FAM227B: variants seen among roughly 807,000 people sequenced by gnomAD.
FAM227B encodes the protein protein FAM227B.
Under a neutral mutation model 73.8 loss-of-function variants are expected in FAM227B, and 88 were observed. The observed-to-expected ratio is 1.19, with a 90% CI of 1.00 to 1.42. FAM227B has a LOEUF of 1.42. Among genes scored for constraint, FAM227B ranks in the 40% most tolerant of loss-of-function variants. The probability of loss-of-function intolerance (pLI) is 0.00; values close to 1 mark genes in which losing one functional copy is unlikely to be tolerated. For synonymous variants in FAM227B, 210 were observed against 190.5 expected (o/e 1.10, Z -0.84); for missense variants, 632 against 590.9 (o/e 1.07, Z -0.72).
At chr15:49,553,496 T>G (rs920746488) in intron 9 of FAM227B, among the ~76,000 whole-genome samples, 3 of 152,188 alleles carry the variant, frequency 2.0e-5, no homozygotes, top group African/African-American at 4.8e-5. Context: ...CAGCCAGGCC[T>G]GTGTCCTTCC....
intron 10 of FAM227B, among the ~76,000 whole-genome samples, chr15:49,510,394 T>A (rs144305345): frequency 6.6e-6 from 1 of 152,138 alleles, no homozygotes; most frequent in Non-Finnish European, 1.5e-5. Context: ...AATTTTTTTA[T>A]CTGAAGTTAA....
chr15:49,376,739 A>C lies in FAM227B; in HGVS notation c.1013-5340T>G, dbSNP rs564272396. Among the ~76,000 whole-genome samples the C allele has an allele frequency of 9.2e-5, 14 of 152,132 alleles. No individual in the cohort carries two copies. The East Asian group carries it at 2.7e-3, about 29-fold the overall frequency. On this transcript the variant is annotated intron_variant, in intron 11 of 15. Transcript: ENST00000299338. ...ATATTAAATATTCCAATACATTAGC[A>C]TGGGAGGTTTTTTCATTCATTTAGG...
At chr15:49,579,447 G>C (rs965717396) in intron 5 of FAM227B, among the ~76,000 whole-genome samples, 2 of 152,126 alleles carry the variant, frequency 1.3e-5, no homozygotes, top group South Asian at 4.1e-4. Flanking sequence ...ATACACAATG[G>C]AATACTATTT....
intron 3 of FAM227B, 125 bp from the exon 4 acceptor site, chr15:49,590,132 A>G (rs1567653073): frequency 1.7e-6 from 1 of 598,136 alleles, no homozygotes; most frequent in Non-Finnish European, 2.9e-6. Context: ...ATCACTTTTT[A>G]AAAATTTGAA....
chr15:49,415,716 T>C (rs1022871465), intron 11 of FAM227B, among the ~76,000 whole-genome samples: 1 of 152,220 alleles, frequency 6.6e-6, no homozygotes. Context: ...GTAACTTTTG[T>C]AAACTGAGAT....
intron 11 of FAM227B, among the ~76,000 whole-genome samples, chr15:49,458,776 A>T (rs2053540973): frequency 1.3e-5 from 2 of 152,140 alleles, no homozygotes; most frequent in Non-Finnish European, 2.9e-5. Flanking sequence ...GTCTTTTAGA[A>T]ATTTATTCTA....
chr15:49,490,298 C>A (rs962270460), intron 11 of FAM227B, among the ~76,000 whole-genome samples: 2 of 151,784 alleles, frequency 1.3e-5, no homozygotes, highest in Non-Finnish European at 2.9e-5. Flanking sequence ...TTATGGAATA[C>A]AAAGTGCACA....
At chr15:49,354,569 T>C (rs1237020029) in intron 13 of FAM227B, among the ~76,000 whole-genome samples, 1 of 152,208 alleles carries the variant, frequency 6.6e-6, no homozygotes, top group Non-Finnish European at 1.5e-5. Context: ...CACGAGATTA[T>C]ATCCCGCACC....
chr15:49,521,859 C>T (rs2152173909), intron 10 of FAM227B, among the ~76,000 whole-genome samples: 1 of 152,272 alleles, frequency 6.6e-6, no homozygotes, highest in South Asian at 2.1e-4. Context: ...GTGCAGCCCC[C>T]ACGCCATTTC....
At position 49,489,883 on chromosome 15, in the gene FAM227B, T is replaced by TATAG. The variant is rs1555505060; in HGVS notation, c.1012+18327_1012+18328insCTAT. ...TTTTATATATATATATATATATATA[T>TATAG]AGAGAGAGAGAGAGAGAGAGAGAGA... is the stretch of plus-strand genomic sequence containing the variant. On this transcript the variant is annotated intron_variant, in intron 11 of 15. Transcript: ENST00000299338. Among the ~76,000 whole-genome samples the TATAG allele has an allele frequency of 4.1e-3, 93 of 22,946 alleles. 13 individuals are homozygous for TATAG. The highest frequency in any genetic ancestry group is 0.026 in the South Asian group (14 of 544). The allele number at this position is 22,946 out of a possible 152,430, so 15.1% of individuals were successfully genotyped here.
intron 11 of FAM227B, among the ~76,000 whole-genome samples, chr15:49,383,898 T>C (rs2046704755): frequency 6.6e-6 from 1 of 152,030 alleles, no homozygotes; most frequent in African/African-American, 2.4e-5. Flanking sequence ...TCTCTACCAT[T>C]TGTCATTCTC....
intron 11 of FAM227B, among the ~76,000 whole-genome samples, chr15:49,473,170 T>C (rs1357955656): frequency 3.9e-5 from 6 of 152,172 alleles, no homozygotes; most frequent in African/African-American, 1.4e-4. Flanking sequence ...CACAAACATA[T>C]CAAATATGAA....
intron 9 of FAM227B, among the ~76,000 whole-genome samples, chr15:49,546,335 C>T (rs958699448): frequency 1.3e-5 from 2 of 152,190 alleles, no homozygotes; most frequent in Non-Finnish European, 2.9e-5. Context: ...ATATGTGCCA[C>T]ATTTTCTTAA....
At chr15:49,447,135 A>G (rs1264596150) in intron 11 of FAM227B, among the ~76,000 whole-genome samples, 2 of 151,654 alleles carry the variant, frequency 1.3e-5, no homozygotes, top group Admixed American at 6.6e-5. Flanking sequence ...CACTGATATA[A>G]GGCTTTCAAA....
Position 49,611,276 on chromosome 15 carries a change from A to G in FAM227B, c.52-8T>C. On this transcript the variant is annotated splice_region_variant and splice_polypyrimidine_tract_variant and intron_variant, in intron 2 of 15. Coordinates refer to ENST00000299338, the MANE Select transcript of FAM227B (RefSeq NM_152647.3). ...TGGAGGTTCTTGCATTTTCTAATAA[A>G]GTAATATCAACATTGTTCATTGGCA... The G allele has an allele frequency of 6.5e-7, 1 of 1,543,898 alleles. No individual in the cohort carries two copies. The highest frequency in any genetic ancestry group is 8.9e-7 in the Non-Finnish European group (1 of 1,120,546).
intron 10 of FAM227B, among the ~76,000 whole-genome samples, chr15:49,517,902 C>G (rs1422379407): frequency 1.3e-5 from 2 of 152,078 alleles, no homozygotes; most frequent in Non-Finnish European, 2.9e-5. Context: ...TCACTTGTAT[C>G]TGGCTTTTTC....
chr15:49,479,738 C>T (rs552432037), intron 11 of FAM227B, among the ~76,000 whole-genome samples: 61 of 150,486 alleles, frequency 4.1e-4, no homozygotes, highest in African/African-American at 1.4e-3. Context: ...CTCAGACTAC[C>T]GAGTAACTGG....
chr15:49,334,293 C>T, intron 14 of FAM227B: 1 of 962,858 alleles, frequency 1.0e-6, no homozygotes, highest in Non-Finnish European at 1.2e-6. Flanking sequence ...GAGCTTTTCC[C>T]TATAAAGTTA....
At chr15:49,424,073 C>T (rs756198839) in intron 11 of FAM227B, 12 of 421,772 alleles carry the variant, frequency 2.8e-5, no homozygotes, top group African/African-American at 6.0e-5. Context: ...GAACTTACTA[C>T]GAACTGTTTT....
Sources: allele counts gnomAD v4.1 joint callset (sites outside exome capture counted in the v4.1 genomes callset), GRCh38; gene constraint gnomAD v4.1.1; transcripts MANE v1.5; gene names NCBI Gene and HGNC (gene_info 2026-07-23, HGNC 2026-07-21).